Variants in CTNNA2 observed in about 807,000 individuals in gnomAD.
CTNNA2 encodes the protein catenin alpha 2.
A neutral mutation model predicts 101.0 loss-of-function variants in CTNNA2; 42 were observed. The observed-to-expected ratio is 0.42, with a 90% CI of 0.32 to 0.54. The LOEUF (loss-of-function observed/expected upper bound fraction) is 0.54. Among genes scored for constraint, CTNNA2 ranks in the 20% least tolerant of loss-of-function variants. The pLI, the probability that CTNNA2 is intolerant of heterozygous loss-of-function variation, is 0.14. For missense variants in CTNNA2, 871 were observed against 1,223.1 expected (o/e 0.71, Z 4.29); for synonymous variants, 450 against 456.4 (o/e 0.99, Z 0.18).
intron 7 of CTNNA2, among the ~76,000 whole-genome samples, chr2:80,052,544 G>T (rs79196517): frequency 1.3e-5 from 2 of 152,222 alleles, no homozygotes; most frequent in Non-Finnish European, 2.9e-5. Context: ...AGATTGCAAT[G>T]CATGCATTTG....
rs1187860249 is a variant in CTNNA2, at chr2:80,303,362, G to A, written c.1057-89849G>A. 2 of 1,614,104 alleles carry A rather than the reference G, an allele frequency of 1.2e-6. No homozygotes were observed. Among genetic ancestry groups the A allele is most frequent in the Non-Finnish European group, 1.7e-6 (2 of 1,180,038 alleles). On this transcript the variant is annotated intron_variant, in intron 7 of 18. Coordinates refer to ENST00000402739, the MANE Select transcript of CTNNA2 (RefSeq NM_001282597.3). The surrounding 1 kb of genome is among the most constrained non-coding windows in gnomAD (Gnocchi z 7.7). ...CCGCAGCCCGTGGAAGAGGTCGGGC[G>A]CGAGCGCCTGCAGCTTGTTGTACGA... is the stretch of plus-strand genomic sequence containing the variant.
At chr2:80,231,906 A>C (rs1215465527) in intron 7 of CTNNA2, among the ~76,000 whole-genome samples, 1 of 152,144 alleles carries the variant, frequency 6.6e-6, no homozygotes, top group East Asian at 1.9e-4. Flanking sequence ...TCTAAATAGA[A>C]ATCATCTGCC....
chr2:79,276,546 CCTGG>C (rs1189099731), intron 2 of CTNNA2, among the ~76,000 whole-genome samples: 2 of 152,024 alleles, frequency 1.3e-5, no homozygotes, highest in Non-Finnish European at 2.9e-5. Flanking sequence ...ATATTGCCAA[CCTGG>C]CTTTCTTTTT....
At chr2:80,000,866 G>A (rs1692900652) in intron 7 of CTNNA2, among the ~76,000 whole-genome samples, 1 of 152,274 alleles carries the variant, frequency 6.6e-6, no homozygotes, top group Non-Finnish European at 1.5e-5. Flanking sequence ...AGCGGGGAAG[G>A]GTGAGTGAGC....
At chr2:79,776,683 A>G (rs1673989665) in intron 3 of CTNNA2, among the ~76,000 whole-genome samples, 1 of 152,230 alleles carries the variant, frequency 6.6e-6, no homozygotes, top group Non-Finnish European at 1.5e-5. Context: ...CAATGGCATC[A>G]TATTTTTGTA....
intron 7 of CTNNA2, among the ~76,000 whole-genome samples, chr2:79,911,212 A>C (rs1013411915): frequency 6.6e-6 from 1 of 152,216 alleles, no homozygotes; most frequent in African/African-American, 2.4e-5. Context: ...TCAACGAAGA[A>C]TGCTTATGAA....
intron 7 of CTNNA2, among the ~76,000 whole-genome samples, chr2:80,083,483 G>T (rs1699266871): frequency 6.6e-6 from 1 of 152,070 alleles, no homozygotes; most frequent in African/African-American, 2.4e-5. Flanking sequence ...TTAGGACCAT[G>T]CAGAAGATGG....
At chr2:79,189,871 A>G (rs1014659181) in intron 1 of CTNNA2, among the ~76,000 whole-genome samples, 3 of 152,176 alleles carry the variant, frequency 2.0e-5, no homozygotes, top group Non-Finnish European at 4.4e-5. Context: ...AGGTGCAAAG[A>G]AATATTTTAC....
intron 1 of CTNNA2, among the ~76,000 whole-genome samples, chr2:79,635,007 A>G (rs1006745787): frequency 1.3e-5 from 2 of 152,224 alleles, no homozygotes; most frequent in Non-Finnish European, 1.5e-5. Context: ...TGCGAAAACC[A>G]TTATGGCTGT....
chr2:80,312,356 G>A (rs116359296), intron 7 of CTNNA2, among the ~76,000 whole-genome samples: 1,756 of 152,284 alleles, frequency 0.012, 18 homozygotes, highest in Non-Finnish European at 0.019. Flanking sequence ...GAGTAGCGGG[G>A]TGAGTAGTTG....
chr2:79,775,209 C>T (rs1673872282), intron 3 of CTNNA2, among the ~76,000 whole-genome samples: 1 of 152,126 alleles, frequency 6.6e-6, no homozygotes, highest in Admixed American at 6.5e-5. Flanking sequence ...TTTTAATATT[C>T]TATTTTAAAA....
intron 7 of CTNNA2, among the ~76,000 whole-genome samples, chr2:80,334,310 T>A (rs1471249136): frequency 6.6e-6 from 1 of 152,176 alleles, no homozygotes; most frequent in Non-Finnish European, 1.5e-5. Context: ...CCATATTTCT[T>A]ATGAAAATAT....
intron 4 of CTNNA2, among the ~76,000 whole-genome samples, chr2:79,861,498 C>G (rs1054170327): frequency 6.6e-6 from 1 of 152,096 alleles, no homozygotes; most frequent in African/African-American, 2.4e-5. Context: ...CTGCTGAGGT[C>G]GTGTGGTTTG....
intron 1 of CTNNA2, among the ~76,000 whole-genome samples, chr2:79,614,201 T>C (rs1356549736): frequency 6.6e-6 from 1 of 152,196 alleles, no homozygotes; most frequent in African/African-American, 2.4e-5. Context: ...TCTACTCCTC[T>C]TTAATATGTT....
intron 6 of CTNNA2, among the ~76,000 whole-genome samples, chr2:79,874,691 C>T (rs772327082): frequency 2.6e-5 from 4 of 152,100 alleles, no homozygotes; most frequent in Non-Finnish European, 5.9e-5. Flanking sequence ...GCCTGTAATC[C>T]CAGCTACTCG....
In CTNNA2 at chr2:80,517,503, T is replaced by G. The variant is rs528281584; in HGVS notation, c.1291-27479T>G. The stretch of plus-strand genomic sequence containing the variant: ...TGCACTGTTCTGCTGGCCCCAGTCC[T>G]TGACCTTATCTGTAGGAGTTACTCC... On this transcript the variant is annotated intron_variant, in intron 9 of 18. Coordinates refer to ENST00000402739, the MANE Select transcript of CTNNA2 (RefSeq NM_001282597.3). Among the ~76,000 whole-genome samples the G allele has an allele frequency of 2.0e-5, 3 of 152,348 alleles. 1 individual carries two copies. The highest frequency in any genetic ancestry group is 7.2e-5 in the African/African-American group (3 of 41,592).
chr2:79,622,778 C>A (rs1240785325), intron 1 of CTNNA2, among the ~76,000 whole-genome samples: 3 of 152,000 alleles, frequency 2.0e-5, no homozygotes, highest in Non-Finnish European at 4.4e-5. Flanking sequence ...ATGCAGGGAG[C>A]GGCAGGATGG....
intron 7 of CTNNA2, among the ~76,000 whole-genome samples, chr2:80,333,905 G>A (rs1271841061): frequency 3.9e-5 from 6 of 152,128 alleles, no homozygotes; most frequent in Non-Finnish European, 5.9e-5. Context: ...TTATAGGCGC[G>A]AGCCACCACA....
At chr2:80,160,269 G>A (rs1011674553) in intron 7 of CTNNA2, among the ~76,000 whole-genome samples, 15 of 151,932 alleles carry the variant, frequency 9.9e-5, no homozygotes, top group Non-Finnish European at 1.8e-4. Context: ...TTTAAAATTC[G>A]TTTCAGTATC....
Sources: allele counts gnomAD v4.1 joint callset (sites outside exome capture counted in the v4.1 genomes callset), GRCh38; gene constraint gnomAD v4.1.1; non-coding constraint Gnocchi (gnomAD v3.1); transcripts MANE v1.5; gene names NCBI Gene and HGNC (gene_info 2026-07-23, HGNC 2026-07-21).